The following NFIX variants were observed in gnomAD, a reference collection of about 807,000 sequenced individuals.
NFIX encodes nuclear factor 1 X-type.
A neutral mutation model predicts 53.3 loss-of-function variants in NFIX; 2 were observed. The ratio of observed to expected loss-of-function variants is 0.04; its 90% confidence interval spans 0.02 to 0.12. The LOEUF (loss-of-function observed/expected upper bound fraction) is 0.12, where lower values mean the gene tolerates loss of function less well. Among genes scored for constraint, NFIX ranks in the 10% least tolerant of loss-of-function variants. The pLI, the probability that NFIX is intolerant of heterozygous loss-of-function variation, is 1.00. For missense variants in NFIX, 310 were observed against 674.5 expected (o/e 0.46, Z 5.99); for synonymous variants, 244 against 289.0 (o/e 0.84, Z 1.58).
Position 13,090,401 on chromosome 19 carries a change from C to G in NFIX, c.1494+11C>G, listed in dbSNP as rs1231577562. 1 of 1,611,946 alleles carries G rather than the reference C, an allele frequency of 6.2e-7. No individual in the cohort carries two copies. On this transcript the variant is annotated intron_variant, in intron 10 of 10. Transcript: ENST00000592199. The surrounding 1 kb of genome is among the most constrained non-coding windows in gnomAD (Gnocchi z 6.6). Reference sequence around the variant, plus strand: ...CCACAGCAGTCTCAGGTAGGAGACCCTGCCCACCACCTGGATGCAGGGACC... The same window carrying G: ...CCACAGCAGTCTCAGGTAGGAGACCGTGCCCACCACCTGGATGCAGGGACC...
chr19:13,051,645 G>A lies in NFIX; in HGVS notation c.560-21402G>A, dbSNP rs2015332954. On this transcript the variant is annotated intron_variant, in intron 2 of 10. Coordinates refer to ENST00000592199, the MANE Select transcript of NFIX (RefSeq NM_001365902.3). The surrounding 1 kb of genome is among the most constrained non-coding windows in gnomAD (Gnocchi z 5.1). The stretch of plus-strand genomic sequence containing the variant: ...TGAGCTCTAGAGGCCCTTCCTCGGA[G>A]AAGCCCAGCCCTCCTCCTCCTCCCT... Among the ~76,000 whole-genome samples the A allele has an allele frequency of 6.6e-6, 1 of 152,142 alleles. No homozygotes were observed. Among genetic ancestry groups the A allele is most frequent in the African/African-American group, 2.4e-5 (1 of 41,430 alleles).
In NFIX at chr19:13,078,216, C is replaced by T. The variant is rs1308837389; in HGVS notation, c.956-397C>T. ...CAGCCTGTCCCTCCCAAACTTACCC[C>T]TTCCCGGCTCTCAAGCTGGCGCCCT... is the stretch of plus-strand genomic sequence containing the variant. On this transcript the variant is annotated intron_variant, in intron 6 of 10. Transcript: ENST00000592199. This position sits in a 1 kb window ranked among gnomAD's most constrained non-coding sequence, Gnocchi z 4.7. 6.6e-6 allele frequency among the ~76,000 whole-genome samples: 1 copy of T among 152,202 alleles called. No individual in the cohort carries two copies. Among genetic ancestry groups the T allele is most frequent in the African/African-American group, 2.4e-5 (1 of 41,454 alleles).
chr19:13,080,294 T>C (rs1158552699), intron 7 of NFIX, among the ~76,000 whole-genome samples: 1 of 152,234 alleles, frequency 6.6e-6, no homozygotes, highest in Non-Finnish European at 1.5e-5. Flanking sequence ...AGTTTCCTGC[T>C]CTATTACTCA....
rs146353756 is a variant in NFIX, at chr19:13,037,239, C to G, written c.559+11687C>G. ...GCTACAGAGTCTTCCCTGTCCTTCT[C>G]TCTCCCAGGTGACCTCTACAGGGCT... On this transcript the variant is annotated intron_variant, in intron 2 of 10. Transcript: ENST00000592199. The surrounding 1 kb of genome is among the most constrained non-coding windows in gnomAD (Gnocchi z 4.2). Among the ~76,000 whole-genome samples, 4,105 of 152,292 alleles carry G rather than the reference C, an allele frequency of 0.027. 68 individuals are homozygous for G. The highest frequency in any genetic ancestry group is 0.082 in the Middle Eastern group (24 of 294).
chr19:13,057,833 C>T (rs556315380), intron 2 of NFIX, among the ~76,000 whole-genome samples: 7 of 152,158 alleles, frequency 4.6e-5, no homozygotes, highest in Non-Finnish European at 8.8e-5. Context: ...CCTCCCTCCC[C>T]GCAACCGAGG....
In NFIX at chr19:13,097,912, A is replaced by C; in HGVS notation, c.*3263A>C. ...GGAAGGCTCGACGCTCCAGGACAGG[A>C]CCAGCCACGCTGACAGGTCGATTTG... On this transcript the variant is annotated 3_prime_UTR_variant, in exon 11 of 11. Coordinates refer to ENST00000592199, the MANE Select transcript of NFIX (RefSeq NM_001365902.3). 6.5e-6 allele frequency: 1 copy of C among 152,790 alleles called. No individual in the cohort carries two copies. 9.5% of individuals were successfully genotyped at this position (152,790 alleles called of 1,614,324 possible).
rs79975072 is a variant in NFIX, at chr19:13,044,047, T to C, written c.559+18495T>C. Among the ~76,000 whole-genome samples, 97 of 152,324 alleles carry C rather than the reference T, an allele frequency of 6.4e-4. 3 individuals carry two copies. The East Asian group carries it at 0.017, about 27-fold the overall frequency. ...TTCGGCCCATGGAAGCGTAAGTGTC[T>C]TCAGCCTCTGTTGACCCTTGTCCCC... is the stretch of plus-strand genomic sequence containing the variant. On this transcript the variant is annotated intron_variant, in intron 2 of 10. Transcript: ENST00000592199.
chr19:13,080,915 G>C (rs1429719843), intron 7 of NFIX, among the ~76,000 whole-genome samples: 1 of 152,076 alleles, frequency 6.6e-6, no homozygotes, highest in Non-Finnish European at 1.5e-5. Context: ...CAGGAGAATG[G>C]CGTGAACCCG....
rs1167016883 is a variant in NFIX at position 13,093,686 on chromosome 19, C to T, written c.1495-949C>T. Among the ~76,000 whole-genome samples, 2 of 152,214 alleles carry T rather than the reference C, an allele frequency of 1.3e-5. No homozygotes were observed. Among genetic ancestry groups the T allele is most frequent in the African/African-American group, 2.4e-5 (1 of 41,460 alleles). On this transcript the variant is annotated intron_variant, in intron 10 of 10. Transcript: ENST00000592199. The surrounding 1 kb of genome is among the most constrained non-coding windows in gnomAD (Gnocchi z 4.7). ...GTGCTCTGTAGTTGGCTCCGCCTGG[C>T]CCCTGCAGACCAGAGTCTGTGACAG...
intron 1 of NFIX, among the ~76,000 whole-genome samples, chr19:13,000,278 A>G (rs2011630073): frequency 6.6e-6 from 1 of 152,098 alleles, no homozygotes; most frequent in African/African-American, 2.4e-5. Context: ...CCTGGCACAT[A>G]GTGTGTGCTC....
intron 5 of NFIX, among the ~76,000 whole-genome samples, chr19:13,075,068 T>TTAAAAAAAA (rs556561337): frequency 2.7e-5 from 2 of 73,686 alleles, no homozygotes; most frequent in African/African-American, 1.3e-4. Context: ...AGACTCCATC[T>TTAAAAAAAA]AAAAAAAAAA....
chr19:13,057,313 G>T (rs2015764823), intron 2 of NFIX, among the ~76,000 whole-genome samples: 1 of 152,240 alleles, frequency 6.6e-6, no homozygotes, highest in South Asian at 2.1e-4. Flanking sequence ...AGGGAAGCAG[G>T]CAGGAGGAAG....
chr19:13,091,329 A>G (rs2018122253), intron 10 of NFIX, among the ~76,000 whole-genome samples: 1 of 150,168 alleles, frequency 6.7e-6, no homozygotes, highest in Non-Finnish European at 1.5e-5. Context: ...GAGTCCAGAG[A>G]AAGTTGGTGG....
chr19:13,055,126 G>GA (rs2015573540), intron 2 of NFIX, among the ~76,000 whole-genome samples: 1 of 148,690 alleles, frequency 6.7e-6, no homozygotes. Context: ...CCCTTTAGGA[G>GA]ACCTCCCGCC....
At chr19:13,030,022 G>A (rs2013678810) in intron 2 of NFIX, among the ~76,000 whole-genome samples, 1 of 152,146 alleles carries the variant, frequency 6.6e-6, no homozygotes, top group African/African-American at 2.4e-5. Flanking sequence ...GGGTCCACAG[G>A]AGCACCCGCC....
chr19:13,038,271 T>C (rs2014349379), intron 2 of NFIX, among the ~76,000 whole-genome samples: 1 of 152,322 alleles, frequency 6.6e-6, no homozygotes, highest in Admixed American at 6.5e-5. Context: ...ATCAAATACC[T>C]ATCCCTTATT....
rs1429219338 is a variant in NFIX at position 13,012,417 on chromosome 19, C to T, written c.28-12604C>T. 6.6e-6 allele frequency among the ~76,000 whole-genome samples: 1 copy of T among 152,204 alleles called. No individual in the cohort carries two copies. Among genetic ancestry groups the T allele is most frequent in the Non-Finnish European group, 1.5e-5 (1 of 68,022 alleles). On this transcript the variant is annotated intron_variant, in intron 1 of 10. Transcript: ENST00000592199. The surrounding 1 kb of genome is among the most constrained non-coding windows in gnomAD (Gnocchi z 5.0). ...CTGCTCAAGCGCGGCTCCCTCTTGC[C>T]GGGGCGCGGCCTGCCCCTCACAGTG...
At chr19:13,024,153 A>C in intron 1 of NFIX, 1 of 768,390 alleles carries the variant, frequency 1.3e-6, no homozygotes, top group East Asian at 2.7e-5. Flanking sequence ...GAGAGAGCCC[A>C]TCCTTCTGTC....
chr19:13,057,374 G>A (rs2015768142), intron 2 of NFIX, among the ~76,000 whole-genome samples: 1 of 152,216 alleles, frequency 6.6e-6, no homozygotes, highest in South Asian at 2.1e-4. Context: ...TGGCAGGGGA[G>A]GAGGCGGAAA....
Sources: allele counts gnomAD v4.1 joint callset (sites outside exome capture counted in the v4.1 genomes callset), GRCh38; gene constraint gnomAD v4.1.1; non-coding constraint Gnocchi (gnomAD v3.1); transcripts MANE v1.5; gene names NCBI Gene and HGNC (gene_info 2026-07-23, HGNC 2026-07-21).